The following DPYSL2 variants were observed in gnomAD, a reference collection of about 807,000 sequenced individuals.
DPYSL2 encodes dihydropyrimidinase like 2, also known as dihydropyrimidinase-related protein 2.
A neutral mutation model predicts 69.9 loss-of-function variants in DPYSL2; 13 were observed. That is an observed-to-expected ratio of 0.19 (90% CI 0.12 to 0.30). The LOEUF is 0.30. DPYSL2 is among the 10% of genes least tolerant of loss of function. DPYSL2 has a pLI of 1.00. For missense variants in DPYSL2, 587 were observed against 918.9 expected (o/e 0.64, Z 4.67); for synonymous variants, 326 against 359.1 (o/e 0.91, Z 1.04).
chr8:26,532,805 G>A (rs572803854), intron 1 of DPYSL2, among the ~76,000 whole-genome samples: 1 of 152,162 alleles, frequency 6.6e-6, no homozygotes, highest in African/African-American at 2.4e-5. Flanking sequence ...CCACTTTTTA[G>A]CTATTATGAA....
intron 1 of DPYSL2, among the ~76,000 whole-genome samples, chr8:26,549,165 G>T (rs1197415722): frequency 6.6e-6 from 1 of 151,484 alleles, no homozygotes; most frequent in East Asian, 1.9e-4. Flanking sequence ...CTCCAGCCCA[G>T]GTGACAGAGG....
intron 3 of DPYSL2, among the ~76,000 whole-genome samples, chr8:26,607,164 C>G (rs573204423): frequency 6.6e-6 from 1 of 152,226 alleles, no homozygotes; most frequent in Non-Finnish European, 1.5e-5. Context: ...AAGGCCATCC[C>G]TAGAAAATAG....
At chr8:26,612,498 A>G (rs1802254206) in intron 3 of DPYSL2, among the ~76,000 whole-genome samples, 1 of 152,240 alleles carries the variant, frequency 6.6e-6, no homozygotes, top group Admixed American at 6.5e-5. Flanking sequence ...GGCTCCCATT[A>G]AAAATTGAAT....
chr8:26,603,393 G>A (rs1374019168), intron 3 of DPYSL2, among the ~76,000 whole-genome samples: 3 of 152,112 alleles, frequency 2.0e-5, no homozygotes, highest in Admixed American at 2.0e-4. Context: ...GGCTGGTCTC[G>A]AACTCCTGAC....
intron 1 of DPYSL2, among the ~76,000 whole-genome samples, chr8:26,534,975 T>C (rs1800568789): frequency 6.6e-6 from 1 of 152,196 alleles, no homozygotes; most frequent in Admixed American, 6.5e-5. Context: ...CTATGACTGT[T>C]TCCTCATCAC....
At chr8:26,638,277 C>A (rs1247685289) in intron 8 of DPYSL2, among the ~76,000 whole-genome samples, 1 of 152,146 alleles carries the variant, frequency 6.6e-6, no homozygotes, top group African/African-American at 2.4e-5. Flanking sequence ...AGGTTGAGCC[C>A]AGAAGGGAGT....
chr8:26,656,530 C>G lies in DPYSL2; in HGVS notation c.*824C>G, dbSNP rs746994276. The G allele has an allele frequency of 6.6e-6, 1 of 152,532 alleles. No individual in the cohort carries two copies. The highest frequency in any genetic ancestry group is 1.5e-5 in the Non-Finnish European group (1 of 68,052). The allele number at this position is 152,532 out of a possible 1,614,324, so 9.4% of individuals were successfully genotyped here. A position where few individuals can be genotyped will look rare whatever the true frequency, so the allele number is the denominator to read the frequency against. ...TGAATATTTTCGTGTCTGTCTCTCT[C>G]TCTCTCTGTGTTTCCTCCAGCCCTT... On this transcript the variant is annotated 3_prime_UTR_variant, in exon 14 of 14. Coordinates refer to ENST00000521913, the MANE Select transcript of DPYSL2 (RefSeq NM_001197293.3).
At chr8:26,535,894 T>TG (rs1192367899) in intron 1 of DPYSL2, among the ~76,000 whole-genome samples, 8 of 127,904 alleles carry the variant, frequency 6.3e-5, no homozygotes, top group African/African-American at 2.4e-4. Flanking sequence ...AAGCTCTCTA[T>TG]GGGTTGTGTG....
chr8:26,546,970 GA>G (rs1470142397), intron 1 of DPYSL2, among the ~76,000 whole-genome samples: 1 of 115,456 alleles, frequency 8.7e-6, no homozygotes, highest in Non-Finnish European at 1.8e-5. Context: ...AAATCCTGCA[GA>G]AACTGAAAAT....
chr8:26,639,931 C>T (rs919947725), intron 8 of DPYSL2, among the ~76,000 whole-genome samples: 57 of 152,296 alleles, frequency 3.7e-4, no homozygotes, highest in African/African-American at 1.3e-3. Context: ...CTTCTAGAAC[C>T]ACTCTTGCTA....
At chr8:26,518,698 C>T (rs1448195853) in intron 1 of DPYSL2, among the ~76,000 whole-genome samples, 1 of 152,148 alleles carries the variant, frequency 6.6e-6, no homozygotes, top group Non-Finnish European at 1.5e-5. Context: ...GAAATGACAC[C>T]GTTTATGTTC....
In DPYSL2 at chr8:26,619,540, A is replaced by C. The variant is rs965140008; in HGVS notation, c.629-4603A>C. 3 of 152,236 alleles carry C rather than the reference A, an allele frequency of 2.0e-5. No homozygotes were observed. In the East Asian group the frequency reaches 5.8e-4, roughly 29 times the overall value. 9.4% of individuals were successfully genotyped at this position (152,236 alleles called of 1,614,324 possible). On this transcript the variant is annotated intron_variant, in intron 3 of 13. Coordinates refer to ENST00000521913, the MANE Select transcript of DPYSL2 (RefSeq NM_001197293.3). The surrounding 1 kb of genome is among the most constrained non-coding windows in gnomAD (Gnocchi z 4.8). ...AGGCCCCTCGTGGTAAATGGAGAGC[A>C]GTGAATGGAGGTGGAGGGAGAAGTT... is the stretch of plus-strand genomic sequence containing the variant.
intron 3 of DPYSL2, among the ~76,000 whole-genome samples, chr8:26,600,847 G>T (rs117929388): frequency 1.3e-5 from 2 of 152,114 alleles, no homozygotes; most frequent in Admixed American, 6.5e-5. Context: ...TGATCTCACC[G>T]CATGGCTGAG....
At chr8:26,622,456 GTGTGTGTGTGTGTGTGTATA>G (rs763754185) in intron 3 of DPYSL2, among the ~76,000 whole-genome samples, 2,183 of 112,096 alleles carry the variant, frequency 0.019, 25 homozygotes, top group Non-Finnish European at 0.031. Context: ...GTATGTGTGT[GTGTGTGTGTGTGTGTGTATA>G]TGTGTGTGTG....
chr8:26,579,851 C>T (rs1025944526), intron 1 of DPYSL2, among the ~76,000 whole-genome samples: 2 of 147,188 alleles, frequency 1.4e-5, no homozygotes, highest in African/African-American at 2.5e-5. Context: ...TTGCTGTCTT[C>T]GTGAATGAAC....
At chr8:26,559,295 C>G (rs1402163640) in intron 1 of DPYSL2, among the ~76,000 whole-genome samples, 1 of 152,082 alleles carries the variant, frequency 6.6e-6, no homozygotes, top group Non-Finnish European at 1.5e-5. Flanking sequence ...GAATATTTGC[C>G]CATTATTTCC....
Position 26,564,293 on chromosome 8 carries a change from T to C in DPYSL2, c.355-17676T>C, listed in dbSNP as rs1801116207. Among the ~76,000 whole-genome samples the C allele has an allele frequency of 6.6e-6, 1 of 152,098 alleles. No individual in the cohort carries two copies. Among genetic ancestry groups the C allele is most frequent in the Non-Finnish European group, 1.5e-5 (1 of 68,028 alleles). The stretch of plus-strand genomic sequence containing the variant: ...GGAAGTGGAGGCCAGGAGTGTACGC[T>C]ACCCATTCCTGAAGCTTAACCATGT... On this transcript the variant is annotated intron_variant, in intron 1 of 13. Coordinates refer to ENST00000521913, the MANE Select transcript of DPYSL2 (RefSeq NM_001197293.3). This position sits in a 1 kb window ranked among gnomAD's most constrained non-coding sequence, Gnocchi z 4.8.
intron 1 of DPYSL2, among the ~76,000 whole-genome samples, chr8:26,534,960 C>T (rs1223060233): frequency 6.6e-6 from 1 of 152,184 alleles, no homozygotes; most frequent in Non-Finnish European, 1.5e-5. Context: ...CTAGCTACAG[C>T]ATTTCTATGA....
chr8:26,632,314 G>A (rs530549644), intron 7 of DPYSL2, among the ~76,000 whole-genome samples: 1 of 152,318 alleles, frequency 6.6e-6, no homozygotes, highest in East Asian at 1.9e-4. Flanking sequence ...AGGGACTGTG[G>A]ACAAGGCGAG....
Sources: allele counts gnomAD v4.1 joint callset (sites outside exome capture counted in the v4.1 genomes callset), GRCh38; gene constraint gnomAD v4.1.1; non-coding constraint Gnocchi (gnomAD v3.1); transcripts MANE v1.5; gene names NCBI Gene and HGNC (gene_info 2026-07-23, HGNC 2026-07-21).